Variants in KRT86 observed in about 807,000 individuals in gnomAD.
The protein encoded by KRT86 is keratin 86.
KRT86 carries 30 observed loss-of-function variants against 41.2 expected under a neutral mutation model. The ratio of observed to expected loss-of-function variants is 0.73; its 90% CI spans 0.54 to 0.99. The LOEUF (loss-of-function observed/expected upper bound fraction) is 0.99. Ranked by LOEUF, KRT86 falls within the 50% of genes least tolerant of loss-of-function variation. The pLI is 0.00. For missense variants in KRT86, 561 were observed against 571.4 expected (o/e 0.98, Z 0.19); for synonymous variants, 238 against 238.1 (o/e 1.00, Z 0.00).
chr12:52,308,190 C>G (rs199724643), intron 9 of KRT86, 43 bp from the exon 10 acceptor site: 265 of 1,613,714 alleles, frequency 1.6e-4, no homozygotes, highest in Admixed American at 2.3e-4. Flanking sequence ...GGGGGCCCGG[C>G]GCCTTTTCCG....
chr12:52,287,603 T>C, intron 2 of KRT86: 2 of 1,613,956 alleles, frequency 1.2e-6, no homozygotes, highest in Non-Finnish European at 1.7e-6. Context: ...TACCTGGCAC[T>C]TGGCATTCTC....
At chr12:52,305,994 T>C in intron 8 of KRT86, 66 bp from the exon 9 acceptor site, 1 of 1,599,614 alleles carries the variant, frequency 6.3e-7, no homozygotes, top group Non-Finnish European at 8.5e-7. Context: ...GAGCATGGTC[T>C]CATCGAGGTA....
chr12:52,285,031 A>G (rs1281677652), intron 2 of KRT86, among the ~76,000 whole-genome samples: 1 of 152,248 alleles, frequency 6.6e-6, no homozygotes, highest in East Asian at 1.9e-4. Flanking sequence ...GCAAAAGAAT[A>G]ACACTAATGA....
At chr12:52,276,121 G>A (rs1942555688) in intron 2 of KRT86, among the ~76,000 whole-genome samples, 175 bp downstream of exon 2, 1 of 152,212 alleles carries the variant, frequency 6.6e-6, no homozygotes, top group Non-Finnish European at 1.5e-5. Context: ...CCTCTGCCTA[G>A]GACATTGTGT....
intron 2 of KRT86, among the ~76,000 whole-genome samples, chr12:52,296,883 G>T (rs1439135006): frequency 6.6e-6 from 1 of 152,266 alleles, no homozygotes; most frequent in Non-Finnish European, 1.5e-5. Context: ...AGATGCTCCA[G>T]ATGTAGAGCC....
chr12:52,284,712 G>A (rs1937870273), intron 2 of KRT86, among the ~76,000 whole-genome samples: 2 of 152,220 alleles, frequency 1.3e-5, no homozygotes, highest in South Asian at 4.1e-4. Context: ...GCCCAGAAGG[G>A]TAGGGGTGGG....
intron 9 of KRT86, chr12:52,306,981 A>G (rs1938533750): frequency 6.5e-6 from 1 of 153,750 alleles, no homozygotes; most frequent in African/African-American, 2.4e-5. Context: ...CACTCCCAGA[A>G]TGTGAGCTCA....
At position 52,305,225 on chromosome 12, in the gene KRT86, C is replaced by T. The variant is rs772601328; in HGVS notation, c.736-15C>T. ...CTGTGTTCTCAACTAAAGTCACTGC[C>T]CTCACCTCCTGCAGGAGATCCGCGT... is the stretch of plus-strand genomic sequence containing the variant. On this transcript the variant is annotated splice_polypyrimidine_tract_variant and intron_variant, in intron 6 of 10. Transcript: ENST00000423955. 2 of 1,614,062 alleles carry T rather than the reference C, an allele frequency of 1.2e-6. No homozygotes were observed. Among genetic ancestry groups the T allele is most frequent in the African/African-American group, 2.7e-5 (2 of 74,914 alleles).
chr12:52,279,849 C>T (rs1199590672), intron 2 of KRT86, among the ~76,000 whole-genome samples: 1 of 152,226 alleles, frequency 6.6e-6, no homozygotes, highest in East Asian at 1.9e-4. Context: ...CATCCATTCA[C>T]TCTACACATA....
intron 2 of KRT86, among the ~76,000 whole-genome samples, chr12:52,297,855 C>A (rs1049698046): frequency 4.6e-5 from 7 of 152,364 alleles, no homozygotes; most frequent in Middle Eastern, 6.8e-3. Flanking sequence ...AGCTTGCCTT[C>A]TCTTGCTCTC....
At position 52,306,237 on chromosome 12, in the gene KRT86, G is replaced by A. The variant is rs60687604; in HGVS notation, c.1204G>A (p.Glu402Lys). Residue 402 changes from glutamate (E) to lysine (K), a missense_variant, in exon 9 of 11, where the codon GAG (glutamate) becomes AAG (lysine). Transcript: ENST00000423955. Reference sequence around the variant, plus strand: ...GAACTCCAAGCTGGGCCTGGACATCGAGATCGCCACCTACAGGCGCCTGCT... The same window carrying A: ...GAACTCCAAGCTGGGCCTGGACATCAAGATCGCCACCTACAGGCGCCTGCT... Reference protein sequence around the residue: ...VMNSKLGLDIEIATYRRLLEG... With the variant: ...VMNSKLGLDIKIATYRRLLEG... 1.2e-6 allele frequency: 2 copies of A among 1,613,572 alleles called. No individual in the cohort carries two copies. Among genetic ancestry groups the A allele is most frequent in the Non-Finnish European group, 1.7e-6 (2 of 1,180,034 alleles).
chr12:52,302,842 G>T (rs1290046030), intron 3 of KRT86, among the ~76,000 whole-genome samples: 17 of 20,112 alleles, frequency 8.5e-4, no homozygotes, highest in Admixed American at 5.3e-3. Context: ...GGTGGGGGGT[G>T]GGGGGGGGGT....
At position 52,305,396 on chromosome 12, in the gene KRT86, C is replaced by G; in HGVS notation, c.892C>G (p.Arg298Gly). Residue 298 changes from arginine (R) to glycine (G), a missense_variant, in exon 7 of 11, where the codon CGC becomes GGC. Around this residue, in one of 3 missense-constraint regions of KRT86, gnomAD observed 397 missense variants for 375.9 expected, o/e 1.06. Transcript: ENST00000423955. Reference protein sequence around the residue: ...RSRAEAESWYRSKCEEMKATV... With the variant: ...RSRAEAESWYGSKCEEMKATV... ...CCGGGCTGAGGCCGAGTCCTGGTACCGCAGCAAGGTGAGTGGCACAGGACA... is the reference window on the plus strand; with the variant it reads ...CCGGGCTGAGGCCGAGTCCTGGTACGGCAGCAAGGTGAGTGGCACAGGACA... 6.2e-7 allele frequency: 1 copy of G among 1,614,136 alleles called. No individual in the cohort carries two copies. Among genetic ancestry groups the G allele is most frequent in the Non-Finnish European group, 8.5e-7 (1 of 1,179,992 alleles).
At chr12:52,305,513 G>A (rs971517206) in intron 7 of KRT86, 109 bp downstream of exon 7, 41 of 1,601,144 alleles carry the variant, frequency 2.6e-5, no homozygotes, top group Non-Finnish European at 3.4e-5. Flanking sequence ...GAGAAGAGAT[G>A]GCTGCCACTC....
At chr12:52,279,886 G>C (rs1439570645) in intron 2 of KRT86, among the ~76,000 whole-genome samples, 1 of 152,136 alleles carries the variant, frequency 6.6e-6, no homozygotes, top group African/African-American at 2.4e-5. Context: ...ATAGTGCTTG[G>C]TTCAGGGGAC....
At chr12:52,284,461 A>G (rs989263027) in intron 2 of KRT86, among the ~76,000 whole-genome samples, 4 of 152,054 alleles carry the variant, frequency 2.6e-5, no homozygotes, top group Non-Finnish European at 5.9e-5. Context: ...AAGTGTTGAG[A>G]TTATAGGTGT....
intron 2 of KRT86, chr12:52,288,067 A>C (rs1780705660): frequency 6.2e-7 from 1 of 1,614,078 alleles, no homozygotes; most frequent in Non-Finnish European, 8.5e-7. Flanking sequence ...GCAATGATGC[A>C]GTCCATGTTC....
At chr12:52,302,840 G>GT (rs1938414248) in intron 3 of KRT86, among the ~76,000 whole-genome samples, 2 of 101,904 alleles carry the variant, frequency 2.0e-5, no homozygotes, top group African/African-American at 3.8e-5. Flanking sequence ...TGGGTGGGGG[G>GT]TGGGGGGGGG....
chr12:52,299,218 C>T (rs1374336914), intron 2 of KRT86, among the ~76,000 whole-genome samples: 2 of 152,178 alleles, frequency 1.3e-5, no homozygotes, highest in African/African-American at 4.8e-5. Context: ...TTCTGTACCT[C>T]AATTATTTTC....
Sources: gnomAD v4.1 joint callset for allele counts (sites outside exome capture counted in the v4.1 genomes callset) on GRCh38, gnomAD v4.1.1 for gene constraint, gnomAD v4.1.1 regional missense constraint, MANE v1.5 for transcripts, NCBI Gene and HGNC (gene_info 2026-07-23, HGNC 2026-07-21) for gene names.